The following TBC1D19 variants were observed in gnomAD, a reference collection of about 807,000 sequenced individuals.
TBC1D19 encodes the protein TBC1 domain family, member 19.
A neutral mutation model predicts 89.0 loss-of-function variants in TBC1D19; 60 were observed. The observed-to-expected ratio is 0.67, with a 90% CI of 0.55 to 0.84. The LOEUF (loss-of-function observed/expected upper bound fraction) is 0.84. Ranked by LOEUF, TBC1D19 falls within the 40% of genes least tolerant of loss-of-function variation. The probability of loss-of-function intolerance (pLI) is 0.00; values close to 1 mark genes in which losing one functional copy is unlikely to be tolerated. For synonymous variants in TBC1D19, 189 were observed against 199.7 expected, an observed-to-expected ratio of 0.95 and a Z score of 0.45; for missense variants, 500 against 610.8, an observed-to-expected ratio of 0.82 and a Z score of 1.91.
At chr4:26,648,280 G>A (rs1379440624) in intron 7 of TBC1D19, among the ~76,000 whole-genome samples, 2 of 152,098 alleles carry the variant, frequency 1.3e-5, no homozygotes, top group East Asian at 3.9e-4. Context: ...TTGAGGGGTC[G>A]TTTCTACCCA....
chr4:26,782,192 G>C, the TBC1D19 span, among the ~76,000 whole-genome samples: 1 of 152,202 alleles, frequency 6.6e-6, no homozygotes, highest in South Asian at 2.1e-4. Flanking sequence ...ATTTGGTTCA[G>C]ATGTCAAAAC....
intron 12 of TBC1D19, among the ~76,000 whole-genome samples, chr4:26,684,194 TAAGG>T (rs1443643718): frequency 1.3e-5 from 2 of 152,212 alleles, no homozygotes; most frequent in Non-Finnish European, 1.5e-5. Flanking sequence ...TCTCAGGTTT[TAAGG>T]TAGAGACACA....
chr4:26,753,292 A>G (rs899494518), intron 19 of TBC1D19, among the ~76,000 whole-genome samples: 1 of 152,210 alleles, frequency 6.6e-6, no homozygotes, highest in Non-Finnish European at 1.5e-5. Context: ...TCTGTCTACT[A>G]TATTAGTAAG....
At chr4:26,646,425 C>G (rs1443551085) in intron 7 of TBC1D19, among the ~76,000 whole-genome samples, 1 of 152,144 alleles carries the variant, frequency 6.6e-6, no homozygotes, top group South Asian at 2.1e-4. Flanking sequence ...GGATCTAGAA[C>G]TAGAAATACC....
intron 7 of TBC1D19, among the ~76,000 whole-genome samples, chr4:26,655,967 G>C (rs572199583): frequency 6.6e-6 from 1 of 152,106 alleles, no homozygotes; most frequent in Non-Finnish European, 1.5e-5. Flanking sequence ...CGTCGCTCAC[G>C]CTGGGAGCTG....
chr4:26,782,749 T>A, the TBC1D19 span, among the ~76,000 whole-genome samples: 1 of 149,526 alleles, frequency 6.7e-6, no homozygotes. Flanking sequence ...TTTTTTTTAA[T>A]AAAACAAACA....
intron 4 of TBC1D19, among the ~76,000 whole-genome samples, chr4:26,630,041 A>G (rs1742705459): frequency 6.6e-6 from 1 of 151,484 alleles, no homozygotes; most frequent in South Asian, 2.1e-4. Context: ...TGATTTTATA[A>G]TTTCATTGTT....
chr4:26,612,229 G>T (rs1741425096), intron 1 of TBC1D19, among the ~76,000 whole-genome samples: 1 of 149,690 alleles, frequency 6.7e-6, no homozygotes, highest in Non-Finnish European at 1.5e-5. Flanking sequence ...CTAGTTGCTT[G>T]GTCTGTTTTT....
At chr4:26,717,494 A>G (rs1446436261) in intron 13 of TBC1D19, among the ~76,000 whole-genome samples, 1 of 152,104 alleles carries the variant, frequency 6.6e-6, no homozygotes, top group African/African-American at 2.4e-5. Context: ...CTTTCTAAGT[A>G]CCACGAGTTG....
At chr4:26,588,848 T>C (rs1359107152) in intron 1 of TBC1D19, among the ~76,000 whole-genome samples, 1 of 152,242 alleles carries the variant, frequency 6.6e-6, no homozygotes, top group Non-Finnish European at 1.5e-5. Flanking sequence ...CTTATTCTGC[T>C]GTTTCTGTTC....
intron 1 of TBC1D19, among the ~76,000 whole-genome samples, chr4:26,595,565 A>T (rs543986304): frequency 6.6e-6 from 1 of 152,072 alleles, no homozygotes; most frequent in African/African-American, 2.4e-5. Flanking sequence ...ATTTAGGTCT[A>T]TGCTTCATTT....
At chr4:26,817,072 G>C in the TBC1D19 span, among the ~76,000 whole-genome samples, 1 of 152,154 alleles carries the variant, frequency 6.6e-6, no homozygotes, top group Non-Finnish European at 1.5e-5. Flanking sequence ...CAAGTTCACC[G>C]GCTGATGCTT....
At chr4:26,834,545 G>T in the TBC1D19 span, among the ~76,000 whole-genome samples, 1 of 152,062 alleles carries the variant, frequency 6.6e-6, no homozygotes, top group African/African-American at 2.4e-5. Flanking sequence ...TGGTGGCTAT[G>T]GGGGGCGGGG....
the TBC1D19 span, among the ~76,000 whole-genome samples, chr4:26,802,595 C>G: frequency 6.6e-6 from 1 of 152,220 alleles, no homozygotes; most frequent in East Asian, 1.9e-4. Context: ...GAGCAAGACC[C>G]TGTGTCAAAA....
chr4:26,707,437 T>C (rs747011862), intron 13 of TBC1D19, among the ~76,000 whole-genome samples: 2 of 152,058 alleles, frequency 1.3e-5, no homozygotes, highest in Non-Finnish European at 2.9e-5. Flanking sequence ...AGATCTAAAA[T>C]GAATCTCTTA....
At chr4:26,698,328 G>T (rs1005161063) in intron 13 of TBC1D19, among the ~76,000 whole-genome samples, 2 of 152,078 alleles carry the variant, frequency 1.3e-5, no homozygotes, top group Admixed American at 1.3e-4. Flanking sequence ...CCTCTTCAAG[G>T]AGAACTACAA....
chr4:26,698,867 A>G (rs1223085378), intron 13 of TBC1D19, among the ~76,000 whole-genome samples: 1 of 152,226 alleles, frequency 6.6e-6, no homozygotes, highest in Non-Finnish European at 1.5e-5. Context: ...TTAATTCAAC[A>G]TGGATTAAAG....
At chr4:26,700,267 A>G (rs1715205989) in intron 13 of TBC1D19, among the ~76,000 whole-genome samples, 1 of 152,110 alleles carries the variant, frequency 6.6e-6, no homozygotes, top group Non-Finnish European at 1.5e-5. Context: ...CATCCAAGAA[A>G]CTCAACAAAC....
At chr4:26,597,142 T>G (rs1407639238) in intron 1 of TBC1D19, among the ~76,000 whole-genome samples, 3 of 152,232 alleles carry the variant, frequency 2.0e-5, no homozygotes, top group African/African-American at 4.8e-5. Flanking sequence ...GTTTGTTCCA[T>G]CAGCTATTAA....
Sources: allele counts gnomAD v4.1 joint callset (sites outside exome capture counted in the v4.1 genomes callset), GRCh38; gene constraint gnomAD v4.1.1; transcripts MANE v1.5; gene names NCBI Gene and HGNC (gene_info 2026-07-23, HGNC 2026-07-21).